MDGA2: variants seen among roughly 807,000 people sequenced by gnomAD.
MDGA2 encodes MAM domain containing glycosylphosphatidylinositol anchor 2.
A neutral mutation model predicts 117.8 loss-of-function variants in MDGA2; 40 were observed. The ratio of observed to expected loss-of-function variants is 0.34; its 90% CI spans 0.26 to 0.44. The LOEUF is 0.44. Ranked by LOEUF, MDGA2 falls within the 20% of genes least tolerant of loss-of-function variation. The probability of loss-of-function intolerance (pLI) is 1.00; values close to 1 mark genes in which losing one functional copy is unlikely to be tolerated. For synonymous variants in MDGA2, 452 were observed against 439.0 expected, an observed-to-expected ratio of 1.03 and a Z score of -0.37; for missense variants, 1,123 against 1,250.6, an observed-to-expected ratio of 0.90 and a Z score of 1.54.
intron 1 of MDGA2, among the ~76,000 whole-genome samples, chr14:47,423,895 T>A (rs1024482133): frequency 6.6e-6 from 1 of 152,160 alleles, no homozygotes; most frequent in Non-Finnish European, 1.5e-5. Flanking sequence ...CACTGCAACC[T>A]CTGCCTCCCG....
Position 46,955,088 on chromosome 14 carries a change from G to A in MDGA2, c.2089+2286C>T, listed in dbSNP as rs116197792. The stretch of plus-strand genomic sequence containing the variant: ...AAGTATTGAAGTATATGTTTTTCCA[G>A]AGTTAAATATTGAGACATTTTGAAT... On this transcript the variant is annotated intron_variant, in intron 9 of 16. Transcript: ENST00000399232. Among the ~76,000 whole-genome samples, 912 of 152,106 alleles carry A rather than the reference G, an allele frequency of 6.0e-3. 2 individuals are homozygous for A. Among genetic ancestry groups the A allele is most frequent in the East Asian group, 0.018 (94 of 5,164 alleles).
intron 8 of MDGA2, among the ~76,000 whole-genome samples, chr14:46,975,101 A>T (rs995746393): frequency 6.6e-6 from 1 of 152,140 alleles, no homozygotes; most frequent in Non-Finnish European, 1.5e-5. Context: ...GATGCTCAAC[A>T]TCACTAGTCA....
chr14:47,478,804 C>T (rs1893893904), intron 1 of MDGA2, among the ~76,000 whole-genome samples: 1 of 152,080 alleles, frequency 6.6e-6, no homozygotes, highest in African/African-American at 2.4e-5. Flanking sequence ...AATGTTTGAC[C>T]AATGGATGAC....
chr14:47,540,563 T>TATATATATATACAC lies in MDGA2; in HGVS notation c.280+133953_280+133954insGTGTATATATATAT, dbSNP rs370481455. Among the ~76,000 whole-genome samples, 975 of 112,114 alleles carry TATATATATATACAC rather than the reference T, an allele frequency of 8.7e-3. 46 individuals carry two copies. Among genetic ancestry groups the TATATATATATACAC allele is most frequent in the South Asian group, 0.032 (68 of 2,116 alleles). 73.6% of individuals were successfully genotyped at this position (112,114 alleles called of 152,430 possible). On this transcript the variant is annotated intron_variant, in intron 1 of 16. Transcript: ENST00000399232. ...GTGTATATATATATATGTATATATA[T>TATATATATATACAC]ACACACACACATAGAGAGAGAGACA...
At position 47,066,668 on chromosome 14, in the gene MDGA2, AATC is replaced by A. The variant is rs1303129996; in HGVS notation, c.1196-5093_1196-5091del. Among the ~76,000 whole-genome samples, 3 of 152,180 alleles carry A rather than the reference AATC, an allele frequency of 2.0e-5. No homozygotes were observed. In the South Asian group the frequency reaches 6.2e-4, roughly 32 times the overall value. On this transcript the variant is annotated intron_variant, in intron 6 of 16. Transcript: ENST00000399232. ...GGCTTGTTTATATGCTTCAGATAAT[AATC>A]ATTTCTGAGCAAATATGGATAATTA...
intron 1 of MDGA2, among the ~76,000 whole-genome samples, chr14:47,472,435 A>G (rs887882938): frequency 1.4e-4 from 21 of 152,208 alleles, no homozygotes; most frequent in African/African-American, 4.8e-4. Context: ...TTATAACACA[A>G]TGGCATTAGT....
chr14:47,408,149 G>A (rs987325859), intron 1 of MDGA2, among the ~76,000 whole-genome samples: 39 of 143,848 alleles, frequency 2.7e-4, no homozygotes, highest in Admixed American at 9.8e-4. Flanking sequence ...TCCACATCCC[G>A]GGTTCAAGCA....
intron 1 of MDGA2, among the ~76,000 whole-genome samples, chr14:47,405,964 T>G (rs537012045): frequency 6.6e-6 from 1 of 152,282 alleles, no homozygotes; most frequent in South Asian, 2.1e-4. Flanking sequence ...GTTTAAGCTT[T>G]TCAATCATTT....
intron 9 of MDGA2, among the ~76,000 whole-genome samples, chr14:46,926,172 A>G (rs1884324711): frequency 6.6e-6 from 1 of 152,326 alleles, no homozygotes; most frequent in South Asian, 2.1e-4. Context: ...ACCAGTCCTC[A>G]TGAAAATGGG....
intron 4 of MDGA2, among the ~76,000 whole-genome samples, chr14:47,134,918 G>T (rs1164785637): frequency 6.6e-6 from 1 of 151,658 alleles, no homozygotes; most frequent in Non-Finnish European, 1.5e-5. Flanking sequence ...AACAAATAAT[G>T]AACATTGTCA....
chr14:47,059,392 A>G (rs1427124055), intron 7 of MDGA2: 2 of 1,067,006 alleles, frequency 1.9e-6, no homozygotes, highest in Non-Finnish European at 2.5e-6. Flanking sequence ...TTGGGTAGCC[A>G]GGCAAATTAA....
chr14:47,619,656 T>C (rs1897014398), intron 1 of MDGA2, among the ~76,000 whole-genome samples: 1 of 152,310 alleles, frequency 6.6e-6, no homozygotes, highest in Non-Finnish European at 1.5e-5. Context: ...GATGAGTAGG[T>C]AATTCCCTGT....
intron 1 of MDGA2, among the ~76,000 whole-genome samples, chr14:47,359,910 C>A (rs1221301182): frequency 2.6e-5 from 4 of 151,790 alleles, no homozygotes; most frequent in Admixed American, 6.6e-5. Flanking sequence ...TTCTGCACAT[C>A]AAAAGAGACA....
intron 10 of MDGA2, among the ~76,000 whole-genome samples, chr14:46,891,664 A>G (rs183259039): frequency 4.0e-5 from 6 of 151,748 alleles, no homozygotes; most frequent in Admixed American, 2.6e-4. Context: ...GGACTTAAGA[A>G]GGTGAAATTT....
intron 8 of MDGA2, among the ~76,000 whole-genome samples, chr14:46,965,153 G>C (rs1885975932): frequency 8.3e-6 from 1 of 121,022 alleles, no homozygotes. Flanking sequence ...TCGATCTCCT[G>C]ACCTCGTGAT....
chr14:47,170,461 C>T (rs1040471574), intron 3 of MDGA2, among the ~76,000 whole-genome samples: 6 of 152,112 alleles, frequency 3.9e-5, no homozygotes, highest in South Asian at 2.1e-4. Context: ...GACAAAGGTG[C>T]TATCATTGTC....
At chr14:46,942,926 G>C (rs1885049928) in intron 9 of MDGA2, among the ~76,000 whole-genome samples, 1 of 152,046 alleles carries the variant, frequency 6.6e-6, no homozygotes, top group African/African-American at 2.4e-5. Context: ...TTAATAGTAT[G>C]CTTAAAATCT....
At chr14:47,543,152 G>T (rs1043167660) in intron 1 of MDGA2, among the ~76,000 whole-genome samples, 1 of 152,134 alleles carries the variant, frequency 6.6e-6, no homozygotes, top group Admixed American at 6.5e-5. Flanking sequence ...CGAAGCTGCT[G>T]TAAGCCATGA....
intron 1 of MDGA2, among the ~76,000 whole-genome samples, chr14:47,561,167 TTTTGTTTGTTTG>T (rs1159663830): frequency 4.5e-5 from 5 of 111,178 alleles, no homozygotes; most frequent in African/African-American, 1.2e-4. Flanking sequence ...TGTTTTGTTT[TTTTGTTTGTTTG>T]TTTTTTTTTG....
Sources: gnomAD v4.1 joint callset for allele counts (sites outside exome capture counted in the v4.1 genomes callset) on GRCh38, gnomAD v4.1.1 for gene constraint, MANE v1.5 for transcripts, NCBI Gene and HGNC (gene_info 2026-07-23, HGNC 2026-07-21) for gene names.